Variants in KYNU observed in about 807,000 individuals in gnomAD.
KYNU encodes the protein kynureninase.
KYNU carries 54 observed loss-of-function variants against 59.2 expected under a neutral mutation model. The ratio of observed to expected loss-of-function variants is 0.91; its 90% CI spans 0.73 to 1.14. The LOEUF (loss-of-function observed/expected upper bound fraction) is 1.14. KYNU is among the 50% of genes most tolerant of loss of function. The pLI is 0.00. For missense variants in KYNU, 567 were observed against 554.4 expected, an observed-to-expected ratio of 1.02 and a Z score of -0.23; for synonymous variants, 177 against 192.0, an observed-to-expected ratio of 0.92 and a Z score of 0.65.
chr2:142,964,756 T>C (rs887557723), intron 8 of KYNU: 1 of 152,160 alleles, frequency 6.6e-6, no homozygotes, highest in Non-Finnish European at 1.5e-5. Flanking sequence ...AATATGACTT[T>C]GATTCACACA....
At chr2:142,957,953 A>C (rs961574059) in intron 7 of KYNU, 2 of 451,004 alleles carry the variant, frequency 4.4e-6, no homozygotes, top group African/African-American at 4.0e-5. Context: ...TTTTTCTGTT[A>C]ATACCACTGG....
At chr2:143,024,519 T>A (rs1032928901) in intron 10 of KYNU, among the ~76,000 whole-genome samples, 1 of 151,790 alleles carries the variant, frequency 6.6e-6, no homozygotes, top group Admixed American at 6.5e-5. Context: ...AACATAGCAT[T>A]CATGTATCAT....
chr2:142,905,589 G>A (rs552048326), intron 2 of KYNU, among the ~76,000 whole-genome samples: 10 of 152,182 alleles, frequency 6.6e-5, no homozygotes, highest in Admixed American at 3.9e-4. Context: ...AGAATAGCCC[G>A]ATACTTTAAG....
intron 10 of KYNU, among the ~76,000 whole-genome samples, chr2:143,012,502 A>AAAAG (rs1443618419): frequency 2.6e-5 from 4 of 151,756 alleles, no homozygotes; most frequent in South Asian, 2.1e-4. Flanking sequence ...AAAAAAAAAA[A>AAAAG]AAAGAAAGAA....
chr2:142,885,733 C>T (rs1467271046), intron 2 of KYNU, among the ~76,000 whole-genome samples, 197 bp downstream of exon 2: 2 of 152,162 alleles, frequency 1.3e-5, no homozygotes, highest in African/African-American at 4.8e-5. Flanking sequence ...GTTTTCTCCC[C>T]TCCTCTGAAT....
At chr2:142,994,563 T>C (rs1022932470) in intron 10 of KYNU, among the ~76,000 whole-genome samples, 1 of 152,082 alleles carries the variant, frequency 6.6e-6, no homozygotes, top group African/African-American at 2.4e-5. Flanking sequence ...GCACAAGCCA[T>C]GGCAATTTAG....
chr2:142,997,216 G>T (rs1343016222), intron 10 of KYNU, among the ~76,000 whole-genome samples: 1 of 152,050 alleles, frequency 6.6e-6, no homozygotes. Flanking sequence ...TATTTAAATG[G>T]ATAAATTTCC....
chr2:142,960,969 G>C (rs1684324039), intron 8 of KYNU, among the ~76,000 whole-genome samples, 199 bp downstream of exon 8: 1 of 151,792 alleles, frequency 6.6e-6, no homozygotes, highest in South Asian at 2.1e-4. Flanking sequence ...CTGGAGCAGG[G>C]GGATCACGAG....
At chr2:142,957,828 A>G in intron 7 of KYNU, 113 bp downstream of exon 7, 1 of 712,006 alleles carries the variant, frequency 1.4e-6, no homozygotes, top group Non-Finnish European at 2.5e-6. Context: ...CTTTCAAGAA[A>G]GCATGAAGGA....
chr2:142,903,588 G>C (rs571258777), intron 2 of KYNU, among the ~76,000 whole-genome samples: 5 of 152,180 alleles, frequency 3.3e-5, no homozygotes, highest in African/African-American at 1.2e-4. Flanking sequence ...GACTGAGAAG[G>C]CCACGCCAGT....
At chr2:143,038,968 A>G (rs556518432) in intron 12 of KYNU, among the ~76,000 whole-genome samples, 14 of 152,244 alleles carry the variant, frequency 9.2e-5, no homozygotes, top group African/African-American at 2.9e-4. Context: ...TTTAGTTCTT[A>G]TACATAGGAT....
At chr2:142,927,626 C>T in intron 3 of KYNU, 33 bp from the exon 4 acceptor site, 1 of 1,495,642 alleles carries the variant, frequency 6.7e-7, no homozygotes, top group South Asian at 1.1e-5. Context: ...CACATAAAAG[C>T]TAAGATATGT....
intron 2 of KYNU, among the ~76,000 whole-genome samples, chr2:142,901,232 G>T (rs1027406537): frequency 6.6e-6 from 1 of 152,104 alleles, no homozygotes; most frequent in African/African-American, 2.4e-5. Context: ...GAAAGGTTTG[G>T]TGAAGGGTTT....
At position 142,959,511 on chromosome 2, in the gene KYNU, G is replaced by A. The variant is rs1026753245; in HGVS notation, c.583-1113G>A. On this transcript the variant is annotated intron_variant, in intron 7 of 13. Coordinates refer to ENST00000264170, the MANE Select transcript of KYNU (RefSeq NM_003937.3). ...TGAGGCAGGAGAATCACTTGAACCT[G>A]GGAGGTGGAGGTTGTGGTGAGCCAA... 3.3e-5 allele frequency among the ~76,000 whole-genome samples: 5 copies of A among 151,614 alleles called. No individual in the cohort carries two copies. The East Asian group carries it at 7.8e-4, about 24-fold the overall frequency.
chr2:143,014,654 A>G (rs1211728192), intron 10 of KYNU, among the ~76,000 whole-genome samples: 2 of 152,218 alleles, frequency 1.3e-5, no homozygotes, highest in Non-Finnish European at 2.9e-5. Context: ...ATCCTGAAGC[A>G]ATAAAATGTA....
intron 4 of KYNU, chr2:142,946,985 A>T: frequency 6.8e-7 from 1 of 1,476,326 alleles, no homozygotes; most frequent in Non-Finnish European, 9.1e-7. Context: ...TCAAATAGCC[A>T]ACTTGAGACA....
At chr2:142,992,637 C>T (rs1459283698) in intron 10 of KYNU, among the ~76,000 whole-genome samples, 2 of 151,676 alleles carry the variant, frequency 1.3e-5, no homozygotes, top group Non-Finnish European at 2.9e-5. Flanking sequence ...TATACATACA[C>T]ACACACATAC....
rs1386961171 is a variant in KYNU at position 143,052,472 on chromosome 2, A to G, written c.*10300A>G. The G allele has an allele frequency of 6.6e-6, 1 of 152,276 alleles. No homozygotes were observed. The highest frequency in any genetic ancestry group is 2.4e-5 in the African/African-American group (1 of 41,456). 9.4% of individuals were successfully genotyped at this position (152,276 alleles called of 1,614,324 possible). A position where few individuals can be genotyped will look rare whatever the true frequency, so the allele number is the denominator to read the frequency against. ...CCTCCCATCACAGACCAGGAGCTTTAGAAGGAAAAATGGCTTCGTGGGCTG... is the reference window on the plus strand; with the variant it reads ...CCTCCCATCACAGACCAGGAGCTTTGGAAGGAAAAATGGCTTCGTGGGCTG... On this transcript the variant is annotated 3_prime_UTR_variant, in exon 14 of 14. Coordinates refer to ENST00000264170, the MANE Select transcript of KYNU (RefSeq NM_003937.3).
chr2:142,932,048 T>G (rs1683238004), intron 4 of KYNU, among the ~76,000 whole-genome samples: 1 of 151,844 alleles, frequency 6.6e-6, no homozygotes, highest in Admixed American at 6.6e-5. Flanking sequence ...CTTGCCTTGG[T>G]ACCTGGCCCC....
Sources: allele counts gnomAD v4.1 joint callset (sites outside exome capture counted in the v4.1 genomes callset), GRCh38; gene constraint gnomAD v4.1.1; transcripts MANE v1.5; gene names NCBI Gene and HGNC (gene_info 2026-07-23, HGNC 2026-07-21).